TENM1: variants seen among roughly 807,000 people sequenced by gnomAD.
The protein encoded by TENM1 is teneurin transmembrane protein 1.
In TENM1, 35 loss-of-function variants were observed where a neutral mutation model predicts 174.8. The ratio of observed to expected loss-of-function variants is 0.20; its 90% confidence interval spans 0.15 to 0.27. TENM1 has a LOEUF of 0.27. TENM1 is among the 10% of genes least tolerant of loss of function. The pLI, the probability that TENM1 is intolerant of heterozygous loss-of-function variation, is 1.00. For missense variants in TENM1, 1,633 were observed against 2,130.1 expected, an observed-to-expected ratio of 0.77 and a Z score of 4.59; for synonymous variants, 781 against 798.7, an observed-to-expected ratio of 0.98 and a Z score of 0.37.
At chrX:124,503,019 G>A (rs943034418) in intron 19 of TENM1, among the ~76,000 whole-genome samples, 5 of 111,885 alleles carry the variant, frequency 4.5e-5, no homozygotes, top group Non-Finnish European at 9.4e-5. Flanking sequence ...GGATGGAAGT[G>A]TGTAGGGGCT....
At chrX:124,473,632 C>A (rs1445838496) in intron 22 of TENM1, among the ~76,000 whole-genome samples, 17 of 111,167 alleles carry the variant, frequency 1.5e-4, no homozygotes, top group Non-Finnish European at 9.4e-5. Flanking sequence ...TAGCACCACA[C>A]TTCTGCATGC....
intron 1 of TENM1, among the ~76,000 whole-genome samples, chrX:124,962,093 T>G (rs1603294053): frequency 9.0e-6 from 1 of 111,261 alleles, no homozygotes; most frequent in East Asian, 2.8e-4. Flanking sequence ...GGATTAGGAG[T>G]GTTAAGATGA....
intron 3 of TENM1, among the ~76,000 whole-genome samples, chrX:124,772,749 A>T (rs1373001869): frequency 9.0e-6 from 1 of 111,532 alleles, no homozygotes; most frequent in Non-Finnish European, 1.9e-5. Flanking sequence ...GATATGTCAT[A>T]CTTTGTCAAT....
chrX:124,412,495 T>TA (rs899459091), intron 25 of TENM1, among the ~76,000 whole-genome samples: 64 of 111,481 alleles, frequency 5.7e-4, no homozygotes, highest in South Asian at 1.1e-3. Flanking sequence ...ACCTTTGCTT[T>TA]AAAAAAAAAT....
chrX:124,490,332 T>C (rs970662415), intron 20 of TENM1, among the ~76,000 whole-genome samples: 3 of 111,429 alleles, frequency 2.7e-5, no homozygotes, highest in Non-Finnish European at 5.7e-5. Context: ...TTTCTAGTAT[T>C]TGTAGCTCCA....
intron 3 of TENM1, among the ~76,000 whole-genome samples, chrX:124,813,248 T>C (rs1293537335): frequency 2.7e-5 from 3 of 111,330 alleles, no homozygotes; most frequent in Non-Finnish European, 3.8e-5. Context: ...ACAGCAATAT[T>C]GGATTTAGTG....
the TENM1 span, among the ~76,000 whole-genome samples, chrX:124,993,942 G>T: frequency 1.8e-5 from 2 of 110,317 alleles, no homozygotes; most frequent in Admixed American, 1.9e-4. Flanking sequence ...ATGACTAACA[G>T]GAGGCAACAT....
In TENM1 at chrX:124,715,515, T is replaced by C. The variant is rs138659021; in HGVS notation, c.777-10264A>G. Among the ~76,000 whole-genome samples the C allele has an allele frequency of 3.2e-3, 364 of 112,014 alleles. 3 individuals are homozygous for C. The highest frequency in any genetic ancestry group is 9.4e-3 in the African/African-American group (292 of 30,919). ...TATAAAATTGATCTTCAGTGGTTAC[T>C]TGGATTATTATGGTTATTTTTTTCT... On this transcript the variant is annotated intron_variant, in intron 4 of 31. Transcript: ENST00000422452.
chrX:125,028,238 C>T, the TENM1 span, among the ~76,000 whole-genome samples: 1 of 111,784 alleles, frequency 8.9e-6, no homozygotes, highest in Admixed American at 9.5e-5. Flanking sequence ...TATTTTCATC[C>T]AATAGATTCA....
chrX:125,080,830 G>C, the TENM1 span, among the ~76,000 whole-genome samples: 1 of 110,218 alleles, frequency 9.1e-6, no homozygotes, highest in East Asian at 2.9e-4. Flanking sequence ...AGTTCTGCCT[G>C]TGTGTACTCC....
chrX:125,091,985 CAAAAAAAAAAAAAA>C, the TENM1 span, among the ~76,000 whole-genome samples: 1 of 14,182 alleles, frequency 7.1e-5, no homozygotes, highest in East Asian at 2.3e-3. Context: ...AACTCTGTCT[CAAAAAAAAAAAAAA>C]AAAAAAAAAA....
intron 5 of TENM1, among the ~76,000 whole-genome samples, chrX:124,686,604 G>A (rs1425793488): frequency 8.9e-6 from 1 of 111,803 alleles, no homozygotes; most frequent in Non-Finnish European, 1.9e-5. Flanking sequence ...TGTGATGCAA[G>A]GCTGGTTCAA....
chrX:125,128,577 G>A, the TENM1 span, among the ~76,000 whole-genome samples: 407 of 111,286 alleles, frequency 3.7e-3, 3 homozygotes, highest in African/African-American at 0.012. Context: ...CATGGCCCAT[G>A]AAAACCTCCC....
At chrX:124,463,482 C>T (rs189600286) in intron 22 of TENM1, among the ~76,000 whole-genome samples, 5 of 111,666 alleles carry the variant, frequency 4.5e-5, no homozygotes, top group African/African-American at 1.3e-4. Flanking sequence ...TGCTTGAACA[C>T]TTTAGGCTTT....
At chrX:124,889,362 A>C (rs926266934) in intron 3 of TENM1, among the ~76,000 whole-genome samples, 2 of 111,711 alleles carry the variant, frequency 1.8e-5, no homozygotes, top group Non-Finnish European at 3.8e-5. Flanking sequence ...AATCTGGTTA[A>C]TCTTAGCTTC....
In TENM1 at chrX:124,894,492, T is replaced by C. The variant is rs903246064; in HGVS notation, c.479-140A>G. ...ATATAATTCACATATGTAATATTCA[T>C]CCTTTTAAAGCATACAATTCAGTGG... On this transcript the variant is annotated intron_variant, in intron 2 of 31. Transcript: ENST00000422452. The C allele has an allele frequency of 1.9e-4, 82 of 441,961 alleles. No homozygotes were observed. The South Asian group carries it at 2.8e-3, about 15-fold the overall frequency. 36.4% of individuals were successfully genotyped at this position (441,961 alleles called of 1,213,427 possible).
chrX:124,444,094 G>C (rs1414679945), intron 23 of TENM1, among the ~76,000 whole-genome samples: 1 of 111,930 alleles, frequency 8.9e-6, no homozygotes, highest in Non-Finnish European at 1.9e-5. Flanking sequence ...TAATCTAACA[G>C]ATAACTAGTC....
intron 11 of TENM1, among the ~76,000 whole-genome samples, chrX:124,605,296 C>T (rs773380780): frequency 2.5e-4 from 26 of 105,099 alleles, no homozygotes; most frequent in Non-Finnish European, 3.1e-4. Context: ...TGTATAAGAA[C>T]GGTTTCATCC....
chrX:125,188,865 G>A, the TENM1 span, among the ~76,000 whole-genome samples: 563 of 112,079 alleles, frequency 5.0e-3, 4 homozygotes, highest in African/African-American at 0.017. Flanking sequence ...CTGCTCAGAT[G>A]TTCATGTGGT....
Sources: gnomAD v4.1 joint callset for allele counts (sites outside exome capture counted in the v4.1 genomes callset) on GRCh38, gnomAD v4.1.1 for gene constraint, MANE v1.5 for transcripts, NCBI Gene and HGNC (gene_info 2026-07-23, HGNC 2026-07-21) for gene names.